The following ZNF99 variants were observed in gnomAD, a reference collection of about 807,000 sequenced individuals.
ZNF99 encodes zinc finger protein 99.
ZNF99 carries 8 observed loss-of-function variants against 12.8 expected under a neutral mutation model. The observed-to-expected ratio is 0.62, with a 90% CI of 0.37 to 1.13. The LOEUF (loss-of-function observed/expected upper bound fraction) is 1.13, where lower values mean the gene tolerates loss of function less well. ZNF99 is among the 50% of genes most tolerant of loss of function. The probability of loss-of-function intolerance (pLI) is 0.02; values close to 1 mark genes in which losing one functional copy is unlikely to be tolerated. For synonymous variants in ZNF99, 318 were observed against 319.0 expected, an observed-to-expected ratio of 1.00 and a Z score of 0.03; for missense variants, 1,007 against 1,006.2, an observed-to-expected ratio of 1.00 and a Z score of -0.01.
chr19:22,759,797 A>AATT, intron 3 of ZNF99, 115 bp from the exon 4 acceptor site: 1 of 681,284 alleles, frequency 1.5e-6, no homozygotes, highest in Non-Finnish European at 2.2e-6. Flanking sequence ...ACAGCAAAAT[A>AATT]AGACAGGCCC....
chr19:22,779,680 G>T (rs1253083740), intron 1 of ZNF99, among the ~76,000 whole-genome samples: 1 of 152,106 alleles, frequency 6.6e-6, no homozygotes, highest in Non-Finnish European at 1.5e-5. Flanking sequence ...TTATTTTTAT[G>T]TAGTTCCTAA....
At position 22,757,217 on chromosome 19, in the gene ZNF99, T is replaced by G. The variant is rs752976300; in HGVS notation, c.*97A>C. 11 of 1,588,182 alleles carry G rather than the reference T, an allele frequency of 6.9e-6. No homozygotes were observed. Among genetic ancestry groups the G allele is most frequent in the Admixed American group, 6.8e-5 (4 of 58,878 alleles). On this transcript the variant is annotated 3_prime_UTR_variant, in exon 4 of 4. Transcript: ENST00000596209. ...ACATTCTTCACATTTGTATGGTTTC[T>G]TCCCAGTATAAATTATCTTATGTTT...
At chr19:22,782,497 A>T (rs1973399023) in intron 1 of ZNF99, among the ~76,000 whole-genome samples, 1 of 151,108 alleles carries the variant, frequency 6.6e-6, no homozygotes, top group Non-Finnish European at 1.5e-5. Context: ...CTAGGATTAC[A>T]GGTACAGGCA....
At chr19:22,765,123 G>GAT (rs199771404) in intron 3 of ZNF99, among the ~76,000 whole-genome samples, 3,611 of 152,062 alleles carry the variant, frequency 0.024, 77 homozygotes, top group African/African-American at 0.057. Context: ...GAAACTGTGA[G>GAT]ATATATATAT....
intron 3 of ZNF99, among the ~76,000 whole-genome samples, chr19:22,768,097 T>A (rs949329647): frequency 6.6e-6 from 1 of 152,160 alleles, no homozygotes. Context: ...TGAAGGGAAA[T>A]TACCAAAACG....
chr19:22,782,651 C>G (rs1264520345), intron 1 of ZNF99, among the ~76,000 whole-genome samples: 2 of 146,148 alleles, frequency 1.4e-5, no homozygotes, highest in Non-Finnish European at 3.0e-5. Context: ...CATGAACCAC[C>G]GCACCTGGCC....
In ZNF99 at chr19:22,754,432, C is replaced by T; in HGVS notation, c.*2882G>A. 2.5e-6 allele frequency: 1 copy of T among 401,554 alleles called. No individual in the cohort carries two copies. Among genetic ancestry groups the T allele is most frequent in the Non-Finnish European group, 4.9e-6 (1 of 204,550 alleles). 24.9% of individuals were successfully genotyped at this position (401,554 alleles called of 1,614,324 possible). On this transcript the variant is annotated 3_prime_UTR_variant, in exon 4 of 4. Transcript: ENST00000596209. ...AGAATTTCTCTACAACATAAATTAT[C>T]TTATGTGTAATAAGGGTTGAAATGT...
chr19:22,757,365 C>A lies in ZNF99; in HGVS notation c.2544G>T (p.Lys848Asn), dbSNP rs1304647829. The change falls in exon 4 of 4, where the codon AAG becomes AAT. Residue 848 changes from lysine to asparagine, a missense_variant. Physicochemically the swap from Lys to Asn is moderately conservative, Grantham distance 94. Coordinates refer to ENST00000596209, the MANE Select transcript of ZNF99 (RefSeq NM_001080409.3). ...IHMERNPANV[K>N]NVAKLLNISQ... ...AAATGTTTAAAAGCTTTGCCACATTCTTCACATTTGCAGGGTTTCTCTCCA... is the reference window on the plus strand; with the variant it reads ...AAATGTTTAAAAGCTTTGCCACATTATTCACATTTGCAGGGTTTCTCTCCA... The A allele has an allele frequency of 1.4e-5, 22 of 1,610,220 alleles. No homozygotes were observed. The highest frequency in any genetic ancestry group is 1.9e-5 in the Non-Finnish European group (22 of 1,178,892).
At position 22,758,946 on chromosome 19, in the gene ZNF99, A is replaced by C. The variant is rs761380074; in HGVS notation, c.963T>G (p.Ala321=). Residue 321 remains alanine (A), a synonymous_variant, in exon 4 of 4, where the codon GCT becomes GCG. Coordinates refer to ENST00000596209, the MANE Select transcript of ZNF99 (RefSeq NM_001080409.3). The stretch of plus-strand genomic sequence containing the variant: ...TTCTAAGGGCTGAGAAATGGTTAAA[A>C]GCTTTGCCACATTCTTCGCATTTGT... The part of the protein sequence containing the change: ...KPYKCEECGK[A]FNHFSALRKH... The C allele has an allele frequency of 6.2e-7, 1 of 1,613,900 alleles. No homozygotes were observed. Among genetic ancestry groups the C allele is most frequent in the Non-Finnish European group, 8.5e-7 (1 of 1,179,930 alleles).
At chr19:22,769,819 CTG>C (rs1973246555) in intron 1 of ZNF99, 1 of 1,251,362 alleles carries the variant, frequency 8.0e-7, no homozygotes, top group South Asian at 1.4e-5. Flanking sequence ...TTCTCAAACT[CTG>C]AGAAAAAAAG....
chr19:22,782,753 C>T (rs749948452), intron 1 of ZNF99, among the ~76,000 whole-genome samples: 2 of 148,464 alleles, frequency 1.3e-5, no homozygotes, highest in Admixed American at 1.4e-4. Context: ...CTCACAGCAA[C>T]CTCTGCCTCC....
At position 22,757,788 on chromosome 19, in the gene ZNF99, A is replaced by G. The variant is rs769691202; in HGVS notation, c.2121T>C (p.Cys707=). The change falls in exon 4 of 4, where the codon TGT becomes TGC. Residue 707 remains cysteine (C), a synonymous_variant. Transcript: ENST00000596209. ...GGCTAAAAGCTTTGCCACATTCTTC[A>G]CATTTGTAGGGTTTCTTTCCAGTAT... ...IIHTGKKPYK[C]EECGKAFSQS... The G allele has an allele frequency of 1.1e-5, 18 of 1,612,892 alleles. No individual in the cohort carries two copies. The highest frequency in any genetic ancestry group is 1.5e-5 in the Non-Finnish European group (18 of 1,179,732).
chr19:22,783,136 C>T (rs1266289816), intron 1 of ZNF99, among the ~76,000 whole-genome samples: 2 of 151,242 alleles, frequency 1.3e-5, no homozygotes, highest in East Asian at 2.0e-4. Context: ...AAAAATTAGC[C>T]GGGTGTGGTG....
intron 3 of ZNF99, among the ~76,000 whole-genome samples, chr19:22,765,699 T>C (rs1973196341): frequency 6.6e-6 from 1 of 150,908 alleles, no homozygotes; most frequent in South Asian, 2.1e-4. Context: ...AAAAGCTACA[T>C]GGTGGCCAGG....
At chr19:22,782,449 G>A (rs1225820031) in intron 1 of ZNF99, among the ~76,000 whole-genome samples, 1 of 151,466 alleles carries the variant, frequency 6.6e-6, no homozygotes, top group Non-Finnish European at 1.5e-5. Context: ...TCTATCTCCC[G>A]GGTTCAAGCA....
At chr19:22,774,742 C>T (rs761103825) in intron 1 of ZNF99, among the ~76,000 whole-genome samples, 4 of 152,118 alleles carry the variant, frequency 2.6e-5, no homozygotes, top group Middle Eastern at 3.4e-3. Flanking sequence ...TGGTGGTGGG[C>T]GCCTGTAATC....
chr19:22,779,875 A>G (rs925390164), intron 1 of ZNF99, among the ~76,000 whole-genome samples: 1 of 152,132 alleles, frequency 6.6e-6, no homozygotes, highest in African/African-American at 2.4e-5. Context: ...CTGTTGCAAT[A>G]CCCTTTTGGA....
At chr19:22,777,548 ACT>A (rs1233803102) in intron 1 of ZNF99, among the ~76,000 whole-genome samples, 4 of 152,036 alleles carry the variant, frequency 2.6e-5, no homozygotes, top group Non-Finnish European at 5.9e-5. Flanking sequence ...AAACAAAAAA[ACT>A]CTATGGGTGA....
At chr19:22,768,805 G>A (rs1048322016) in intron 2 of ZNF99, among the ~76,000 whole-genome samples, 1 of 152,124 alleles carries the variant, frequency 6.6e-6, no homozygotes, top group African/African-American at 2.4e-5. Flanking sequence ...GGCCGAGGCA[G>A]GTGGATCACC....
Sources: gnomAD v4.1 joint callset for allele counts (sites outside exome capture counted in the v4.1 genomes callset) on GRCh38, gnomAD v4.1.1 for gene constraint, MANE v1.5 for transcripts, NCBI Gene and HGNC (gene_info 2026-07-23, HGNC 2026-07-21) for gene names.